Variants in ATL1 observed in about 807,000 individuals in gnomAD.
The protein encoded by ATL1 is atlastin-1.
In ATL1, 31 loss-of-function variants were observed where a neutral mutation model predicts 75.5. The observed-to-expected ratio is 0.41, with a 90% CI of 0.31 to 0.55. The LOEUF (loss-of-function observed/expected upper bound fraction) is 0.55, where lower values mean the gene tolerates loss of function less well. ATL1 is among the 20% of genes least tolerant of loss of function. The pLI is 0.27. For missense variants in ATL1, 405 were observed against 662.6 expected (o/e 0.61, Z 4.27); for synonymous variants, 226 against 233.3 (o/e 0.97, Z 0.28).
intron 6 of ATL1, among the ~76,000 whole-genome samples, chr14:50,609,430 T>C (rs1371743751): frequency 2.0e-5 from 3 of 151,940 alleles, no homozygotes; most frequent in Non-Finnish European, 2.9e-5. Flanking sequence ...TAGTTGATGG[T>C]GGTATTGGTA....
At chr14:50,627,634 T>C (rs919143462) in intron 11 of ATL1, among the ~76,000 whole-genome samples, 5 of 152,210 alleles carry the variant, frequency 3.3e-5, no homozygotes, top group African/African-American at 9.7e-5. Flanking sequence ...TTAAACCTCA[T>C]TGGTTAACAT....
rs1317065295 is a variant in ATL1 at position 50,533,849 on chromosome 14, G to A, written c.-140+482G>A. ...ATTGTATAATGTAGAAATTAAATTC[G>A]CACCTTAACAGGACAGGGCATATAT... On this transcript the variant is annotated intron_variant, in intron 1 of 13. Coordinates refer to the ATL1 transcript ENST00000441560. Among the ~76,000 whole-genome samples, 5 of 151,966 alleles carry A rather than the reference G, an allele frequency of 3.3e-5. No individual in the cohort carries two copies. The East Asian group carries it at 9.6e-4, about 29-fold the overall frequency.
Position 50,560,213 on chromosome 14 carries a change from G to A in ATL1, c.-53G>A. The A allele has an allele frequency of 6.2e-7, 1 of 1,608,980 alleles. No individual in the cohort carries two copies. The highest frequency in any genetic ancestry group is 8.5e-7 in the Non-Finnish European group (1 of 1,177,446). ...ACCGCCAGCAACCTGCGGCCCCGGAGAAGGCAGCGAGCGCAGTGACAGCGC... is the reference window on the plus strand; with the variant it reads ...ACCGCCAGCAACCTGCGGCCCCGGAAAAGGCAGCGAGCGCAGTGACAGCGC... On this transcript the variant is annotated 5_prime_UTR_variant, in exon 1 of 14. Transcript: ENST00000358385.
intron 1 of ATL1, among the ~76,000 whole-genome samples, chr14:50,555,047 G>A (rs61476576): frequency 0.21 from 31,272 of 152,118 alleles, 3,924 homozygotes; most frequent in Middle Eastern, 0.29. Flanking sequence ...AATGAGGTGG[G>A]ACATGGTAGG....
intron 1 of ATL1, among the ~76,000 whole-genome samples, chr14:50,547,700 G>T (rs922351897): frequency 6.6e-6 from 1 of 152,156 alleles, no homozygotes; most frequent in Admixed American, 6.5e-5. Flanking sequence ...AAATGAGGTG[G>T]TGCTGCTTGT....
At chr14:50,597,512 C>G (rs2039231926) in intron 6 of ATL1, among the ~76,000 whole-genome samples, 1 of 152,018 alleles carries the variant, frequency 6.6e-6, no homozygotes, top group South Asian at 2.1e-4. Flanking sequence ...GGGGATGTAT[C>G]AGGAAGGGAC....
chr14:50,630,848 TAA>T lies in ATL1; in HGVS notation c.1566+840_1566+841del, dbSNP rs768936335. The T allele has an allele frequency of 7.5e-5, 28 of 374,898 alleles. 1 individual carries two copies. Among genetic ancestry groups the T allele is most frequent in the Middle Eastern group, 3.6e-4 (1 of 2,768 alleles). The allele number at this position is 374,898 out of a possible 1,614,324, so 23.2% of individuals were successfully genotyped here. ...GTAAATCAAAGCTTAAGAAAAAATA[TAA>T]GAGAATTAGAATTAAATTGAATGCC... On this transcript the variant is annotated intron_variant, in intron 13 of 13. Transcript: ENST00000358385.
At chr14:50,620,490 G>T in intron 8 of ATL1, 109 bp from the exon 9 acceptor site, 25 of 1,112,018 alleles carry the variant, frequency 2.2e-5, no homozygotes, top group African/African-American at 3.1e-5. Flanking sequence ...AGTGAGTGAT[G>T]GCATTATCAC....
At chr14:50,585,382 T>C (rs1434978220) in intron 1 of ATL1, among the ~76,000 whole-genome samples, 1 of 152,210 alleles carries the variant, frequency 6.6e-6, no homozygotes, top group Non-Finnish European at 1.5e-5. Context: ...AAGCTGTTTC[T>C]CTATCCAAAA....
intron 1 of ATL1, among the ~76,000 whole-genome samples, chr14:50,564,743 A>T (rs1007980173): frequency 7.9e-5 from 12 of 152,082 alleles, no homozygotes; most frequent in Admixed American, 7.9e-4. Context: ...ACCTTTAAAA[A>T]TAACTATCTT....
chr14:50,586,572 T>C (rs1472511746), intron 1 of ATL1, among the ~76,000 whole-genome samples: 2 of 152,226 alleles, frequency 1.3e-5, no homozygotes, highest in African/African-American at 2.4e-5. Context: ...TGAGGGTTTC[T>C]TTGAGGCTAG....
chr14:50,570,543 G>A (rs922038293), intron 1 of ATL1, among the ~76,000 whole-genome samples: 2 of 151,924 alleles, frequency 1.3e-5, no homozygotes, highest in African/African-American at 4.8e-5. Context: ...GCTCAGTGTG[G>A]AATTTCTTTT....
At chr14:50,600,784 A>C (rs1234241109) in intron 6 of ATL1, among the ~76,000 whole-genome samples, 2 of 152,132 alleles carry the variant, frequency 1.3e-5, no homozygotes, top group African/African-American at 4.8e-5. Flanking sequence ...GGGATAATGA[A>C]ATTTTAAAAA....
chr14:50,567,345 A>AT (rs2038914150), intron 1 of ATL1, among the ~76,000 whole-genome samples: 1 of 152,054 alleles, frequency 6.6e-6, no homozygotes, highest in Non-Finnish European at 1.5e-5. Flanking sequence ...TATACACCAC[A>AT]TTTTTTTATC....
At chr14:50,549,922 G>A (rs61982172) in intron 1 of ATL1, among the ~76,000 whole-genome samples, 24,158 of 152,126 alleles carry the variant, frequency 0.16, 2,236 homozygotes, top group Non-Finnish European at 0.2. Flanking sequence ...TAAAATATGC[G>A]CCGCAAACTC....
intron 1 of ATL1, among the ~76,000 whole-genome samples, chr14:50,574,487 C>T (rs1335236619): frequency 6.6e-6 from 1 of 152,104 alleles, no homozygotes. Flanking sequence ...AGACAAAATT[C>T]AGCACAAAGA....
In ATL1 at chr14:50,632,853, G is replaced by T; in HGVS notation, c.*514G>T. On this transcript the variant is annotated 3_prime_UTR_variant, in exon 14 of 14. Transcript: ENST00000358385. ...TCCTTAGTTGCTTTATCAAAAACCA[G>T]ATATTGCTTTTACATGGTTTAATAG... 1 of 155,928 alleles carries T rather than the reference G, an allele frequency of 6.4e-6. No homozygotes were observed. Among genetic ancestry groups the T allele is most frequent in the Non-Finnish European group, 1.4e-5 (1 of 70,158 alleles). The allele number at this position is 155,928 out of a possible 1,614,324, so 9.7% of individuals were successfully genotyped here.
chr14:50,545,409 T>C (rs2038618465), intron 1 of ATL1, among the ~76,000 whole-genome samples: 1 of 152,060 alleles, frequency 6.6e-6, no homozygotes, highest in East Asian at 1.9e-4. Flanking sequence ...CAAAGGGAGA[T>C]TCAGGAAGGG....
intron 1 of ATL1, among the ~76,000 whole-genome samples, chr14:50,551,259 A>G (rs906654086): frequency 1.3e-5 from 2 of 152,198 alleles, no homozygotes; most frequent in Non-Finnish European, 2.9e-5. Flanking sequence ...CTTTATGTGC[A>G]CAAACTAGAA....
Sources: gnomAD v4.1 joint callset for allele counts (sites outside exome capture counted in the v4.1 genomes callset) on GRCh38, gnomAD v4.1.1 for gene constraint, MANE v1.5 for transcripts, NCBI Gene and HGNC (gene_info 2026-07-23, HGNC 2026-07-21) for gene names.